Variants in EEF1A2 observed in about 807,000 individuals in gnomAD.
EEF1A2 encodes the protein eukaryotic translation elongation factor 1 alpha 2, also known as elongation factor 1-alpha 2.
Under a neutral mutation model 39.3 loss-of-function variants are expected in EEF1A2, and 5 were observed. That is an observed-to-expected ratio of 0.13 (90% CI 0.07 to 0.27). EEF1A2 has a LOEUF of 0.27. Among genes scored for constraint, EEF1A2 ranks in the 10% least tolerant of loss-of-function variants. The probability of loss-of-function intolerance (pLI) is 1.00; values close to 1 mark genes in which losing one functional copy is unlikely to be tolerated. For missense variants in EEF1A2, 218 were observed against 681.4 expected, an observed-to-expected ratio of 0.32 and a Z score of 7.57; for synonymous variants, 287 against 293.7, an observed-to-expected ratio of 0.98 and a Z score of 0.23.
chr20:63,492,079 T>C (rs1350210752), intron 5 of EEF1A2, among the ~76,000 whole-genome samples: 1 of 128,336 alleles, frequency 7.8e-6, no homozygotes, highest in African/African-American at 3.1e-5. Context: ...GATGGATGGA[T>C]AGAGAGGTGG....
chr20:63,489,028 T>C lies in EEF1A2; in HGVS notation c.1154A>G (p.Lys385Arg). 6.2e-7 allele frequency: 1 copy of C among 1,612,778 alleles called. No homozygotes were observed. Among genetic ancestry groups the C allele is most frequent in the East Asian group, 2.2e-5 (1 of 44,878 alleles). ...LKEKIDRRSG[K>R]KLEDNPKSLK... ...GGACTTGGGGTTGTCCTCCAGCTTC[T>C]TGCCAGAGCGCCGGTCAATCTTCTC... Residue 385 changes from lysine to arginine, a missense_variant, in exon 7 of 8, where the codon AAG becomes AGG. Physicochemically the swap from Lys to Arg is conservative, Grantham distance 26. Coordinates refer to ENST00000217182, the MANE Select transcript of EEF1A2 (RefSeq NM_001958.5).
rs2082427543 is a variant in EEF1A2 at position 63,498,274 on chromosome 20, AC to A, written c.-71-441del. 2 of 152,380 alleles carry A rather than the reference AC, an allele frequency of 1.3e-5. No homozygotes were observed. Among genetic ancestry groups the A allele is most frequent in the South Asian group, 4.1e-4 (2 of 4,832 alleles). The allele number at this position is 152,380 out of a possible 1,614,324, so 9.4% of individuals were successfully genotyped here. On this transcript the variant is annotated intron_variant, in intron 1 of 7. Transcript: ENST00000217182. This position sits in a 1 kb window ranked among gnomAD's most constrained non-coding sequence, Gnocchi z 4.1. ...CGGCGCCCCACCCCCACCCGCTGCC[AC>A]CGGGGAGAGATGGCCACTGCTCCCC...
chr20:63,493,683 G>A (rs766294377), intron 4 of EEF1A2, among the ~76,000 whole-genome samples: 1 of 152,222 alleles, frequency 6.6e-6, no homozygotes, highest in Non-Finnish European at 1.5e-5. Flanking sequence ...GGACAGAGCT[G>A]GAGGAGCCTC....
chr20:63,495,795 C>G, intron 3 of EEF1A2, 61 bp downstream of exon 3: 3 of 1,580,770 alleles, frequency 1.9e-6, no homozygotes, highest in Non-Finnish European at 1.7e-6. Flanking sequence ...CAGGGGCCCC[C>G]AGTGTCCCTT....
In EEF1A2 at chr20:63,490,476, C is replaced by T. The variant is rs111392970; in HGVS notation, c.1029+3G>A. 7 of 1,605,974 alleles carry T rather than the reference C, an allele frequency of 4.4e-6. No individual in the cohort carries two copies. Among genetic ancestry groups the T allele is most frequent in the Admixed American group, 3.3e-5 (2 of 59,892 alleles). On this transcript the variant is annotated splice_donor_region_variant and intron_variant, in intron 6 of 7. Transcript: ENST00000217182. ...GCCCCCTGGACCCAGCGCAGCCCCC[C>T]ACCTGGGAGGTGAACTGAGCAGCCT...
In EEF1A2 at chr20:63,498,246, A is replaced by G. The variant is rs1456931897; in HGVS notation, c.-71-412T>C. On this transcript the variant is annotated intron_variant, in intron 1 of 7. Coordinates refer to ENST00000217182, the MANE Select transcript of EEF1A2 (RefSeq NM_001958.5). This position sits in a 1 kb window ranked among gnomAD's most constrained non-coding sequence, Gnocchi z 4.1. ...CCCCTCCCCGGCGGCAGGGCCAGGG[A>G]CACGGCGCCCCACCCCCACCCGCTG... is the stretch of plus-strand genomic sequence containing the variant. 6.6e-6 allele frequency: 1 copy of G among 152,542 alleles called. No individual in the cohort carries two copies. Among genetic ancestry groups the G allele is most frequent in the Non-Finnish European group, 1.5e-5 (1 of 68,398 alleles). The allele number at this position is 152,542 out of a possible 1,614,324, so 9.4% of individuals were successfully genotyped here.
chr20:63,493,309 A>C, intron 4 of EEF1A2, 22 bp from the exon 5 acceptor site: 1 of 1,496,680 alleles, frequency 6.7e-7, no homozygotes, highest in Non-Finnish European at 9.0e-7. Flanking sequence ...GGAGAAAATC[A>C]ATCCGTTAAG....
intron 5 of EEF1A2, among the ~76,000 whole-genome samples, chr20:63,492,609 G>A (rs1731085998): frequency 6.8e-6 from 1 of 146,186 alleles, no homozygotes; most frequent in Non-Finnish European, 1.5e-5. Context: ...TGGATGGATG[G>A]AGGGATAGAG....
At chr20:63,489,642 G>C (rs1450599275) in intron 6 of EEF1A2, among the ~76,000 whole-genome samples, 2 of 152,132 alleles carry the variant, frequency 1.3e-5, no homozygotes, top group African/African-American at 4.8e-5. Context: ...AATTAGCCAG[G>C]CGTGGTGGCA....
Position 63,498,421 on chromosome 20 carries a change from C to T in EEF1A2, c.-71-587G>A, listed in dbSNP as rs1052158588. 1 of 152,326 alleles carries T rather than the reference C, an allele frequency of 6.6e-6. No individual in the cohort carries two copies. The highest frequency in any genetic ancestry group is 1.9e-4 in the East Asian group (1 of 5,186). The allele number at this position is 152,326 out of a possible 1,614,324, so 9.4% of individuals were successfully genotyped here. On this transcript the variant is annotated intron_variant, in intron 1 of 7. Coordinates refer to ENST00000217182, the MANE Select transcript of EEF1A2 (RefSeq NM_001958.5). This position sits in a 1 kb window ranked among gnomAD's most constrained non-coding sequence, Gnocchi z 4.1. ...GAACCCAGAATAGCTCTAGGCACCC[C>T]CCTCCCGGACTCTCACAGGGACAGA...
chr20:63,489,805 A>G (rs552131825), intron 6 of EEF1A2, among the ~76,000 whole-genome samples: 2 of 152,344 alleles, frequency 1.3e-5, no homozygotes, highest in South Asian at 4.1e-4. Flanking sequence ...AATAAATCAT[A>G]TGAAGAGGCC....
At chr20:63,489,245 C>T in intron 6 of EEF1A2, 93 bp from the exon 7 acceptor site, 1 of 1,299,568 alleles carries the variant, frequency 7.7e-7, no homozygotes, top group Middle Eastern at 2.4e-4. Flanking sequence ...TCACCGGCGC[C>T]CCTGCACGGG....
rs1211261200 is a variant in EEF1A2, at chr20:63,493,201, C to A, written c.708G>T (p.Leu236=). Residue 236 remains leucine, a synonymous_variant, in exon 5 of 8, where the codon CTG becomes CTT. Transcript: ENST00000217182. Reference sequence around the variant, plus strand: ...GCTTGTCCGTGGGGCGCGTGGGGGGCAGGATGGTGTCCAGGGCCTCCAGCA... The same window carrying A: ...GCTTGTCCGTGGGGCGCGTGGGGGGAAGGATGGTGTCCAGGGCCTCCAGCA... ...VSLLEALDTI[L]PPTRPTDKPL... 3 of 1,548,696 alleles carry A rather than the reference C, an allele frequency of 1.9e-6. No individual in the cohort carries two copies. The highest frequency in any genetic ancestry group is 2.6e-6 in the Non-Finnish European group (3 of 1,145,918).
rs753945063 is a variant in EEF1A2, at chr20:63,495,136, C to G, written c.325-35G>C. The stretch of plus-strand genomic sequence containing the variant: ...AGGGGACACAGTGAGCCCTGCCCCG[C>G]CTGCCTGGCAGGGGACAGAGCGAGC... On this transcript the variant is annotated intron_variant, in intron 3 of 7. Coordinates refer to ENST00000217182, the MANE Select transcript of EEF1A2 (RefSeq NM_001958.5). 5.6e-6 allele frequency: 9 copies of G among 1,594,598 alleles called. No homozygotes were observed. In the South Asian group the frequency reaches 1.0e-4, roughly 18 times the overall value.
At chr20:63,493,577 C>T (rs1007325417) in intron 4 of EEF1A2, among the ~76,000 whole-genome samples, 1 of 152,212 alleles carries the variant, frequency 6.6e-6, no homozygotes, top group Admixed American at 6.5e-5. Flanking sequence ...CAGTCCAGCC[C>T]CAAGTCCCCG....
At chr20:63,492,394 ATGGATG>A (rs1568996162) in intron 5 of EEF1A2, among the ~76,000 whole-genome samples, 2,694 of 135,050 alleles carry the variant, frequency 0.02, 1 homozygote, top group Non-Finnish European at 0.027. Context: ...GGGTGGGTAG[ATGGATG>A]GATGGATGGA....
Position 63,498,010 on chromosome 20 carries a change from G to T in EEF1A2, c.-71-176C>A. 2.1e-6 allele frequency: 1 copy of T among 480,888 alleles called. No homozygotes were observed. The highest frequency in any genetic ancestry group is 3.7e-5 in the Admixed American group (1 of 27,290). The allele number at this position is 480,888 out of a possible 1,614,324, so 29.8% of individuals were successfully genotyped here. A position where few individuals can be genotyped will look rare whatever the true frequency, so the allele number is the denominator to read the frequency against. On this transcript the variant is annotated intron_variant, in intron 1 of 7. Transcript: ENST00000217182. This position sits in a 1 kb window ranked among gnomAD's most constrained non-coding sequence, Gnocchi z 4.1. ...CTGGGCCTGGCCAGGGCAAGCAGAG[G>T]CTGTGCACTGCCCCCACCCCACACT...
intron 5 of EEF1A2, 106 bp from the exon 6 acceptor site, chr20:63,490,841 C>A: frequency 7.3e-7 from 1 of 1,362,698 alleles, no homozygotes; most frequent in South Asian, 1.4e-5. Context: ...GACTGGATCC[C>A]CCCGACAGGC....
intron 5 of EEF1A2, among the ~76,000 whole-genome samples, chr20:63,492,086 GTGGATGGGTGGATGGGGAGATGGATGGA>G: frequency 1.8e-5 from 1 of 56,326 alleles, no homozygotes; most frequent in Non-Finnish European, 3.6e-5. Context: ...GGATAGAGAG[GTGGATGGGTGGATGGGGAGATGGATGGA>G]TGGATGGATG....
Sources: allele counts gnomAD v4.1 joint callset (sites outside exome capture counted in the v4.1 genomes callset), GRCh38; gene constraint gnomAD v4.1.1; non-coding constraint Gnocchi (gnomAD v3.1); transcripts MANE v1.5; gene names NCBI Gene and HGNC (gene_info 2026-07-23, HGNC 2026-07-21).